FOXN3: variants seen among roughly 807,000 people sequenced by gnomAD.
FOXN3 encodes the protein forkhead box N3, also known as forkhead box protein N3.
Under a neutral mutation model 38.4 loss-of-function variants are expected in FOXN3, and 7 were observed. The observed-to-expected ratio is 0.18, with a 90% confidence interval of 0.10 to 0.34. The LOEUF (loss-of-function observed/expected upper bound fraction) is 0.34, where lower values mean the gene tolerates loss of function less well. Among genes scored for constraint, FOXN3 ranks in the 10% least tolerant of loss-of-function variants. The pLI is 1.00. For missense variants in FOXN3, 456 were observed against 613.4 expected (o/e 0.74, Z 2.71); for synonymous variants, 230 against 242.2 (o/e 0.95, Z 0.47).
rs72014136 is a variant in FOXN3, at chr14:89,335,077, TCACACACACACACACACACA to T, written c.680+15575_680+15594del. On this transcript the variant is annotated intron_variant, in intron 3 of 5. Coordinates refer to ENST00000557258, the MANE Select transcript of FOXN3 (RefSeq NM_005197.4). ...AGAGTAGAACTTAACTATTTTCATA[TCACACACACACACACACACA>T]CACACACACACACACACACACACAC... 1.8e-3 allele frequency among the ~76,000 whole-genome samples: 254 copies of T among 139,436 alleles called. 1 individual carries two copies. The highest frequency in any genetic ancestry group is 5.5e-3 in the African/African-American group (213 of 38,446). 91.5% of individuals were successfully genotyped at this position (139,436 alleles called of 152,430 possible).
chr14:89,399,518 C>G (rs1882174095), intron 2 of FOXN3, among the ~76,000 whole-genome samples: 1 of 152,164 alleles, frequency 6.6e-6, no homozygotes, highest in Admixed American at 6.5e-5. Context: ...GGGACAAGTA[C>G]CCTTTTACTT....
At position 89,161,596 on chromosome 14, in the gene FOXN3, T is replaced by TGTGTGTGTGTGTGTGCGC. The variant is rs61390956; in HGVS notation, c.*817_*818insGCGCACACACACACACAC. On this transcript the variant is annotated 3_prime_UTR_variant, in exon 6 of 6. Coordinates refer to ENST00000557258, the MANE Select transcript of FOXN3 (RefSeq NM_005197.4). ...GTGTGTGTGTGTGTGTGTGTGTGTG[T>TGTGTGTGTGTGTGTGCGC]GCGTGCGTGCACAGGGCCAATCTTC... is the stretch of plus-strand genomic sequence containing the variant. 6.6e-5 allele frequency: 9 copies of TGTGTGTGTGTGTGTGCGC among 136,710 alleles called. No homozygotes were observed. Among genetic ancestry groups the TGTGTGTGTGTGTGTGCGC allele is most frequent in the Admixed American group, 1.5e-4 (2 of 13,660 alleles). The allele number at this position is 136,710 out of a possible 1,614,324, so 8.5% of individuals were successfully genotyped here.
intron 1 of FOXN3, among the ~76,000 whole-genome samples, chr14:89,427,264 G>A (rs1596268679): frequency 2.4e-5 from 3 of 125,838 alleles, no homozygotes; most frequent in South Asian, 2.9e-4. Flanking sequence ...AAAAGAAAAA[G>A]AAGAAAAAAA....
At chr14:89,278,207 G>A (rs564097828) in intron 4 of FOXN3, among the ~76,000 whole-genome samples, 24 of 152,206 alleles carry the variant, frequency 1.6e-4, no homozygotes, top group East Asian at 7.7e-4. Context: ...CAAAAGATAC[G>A]TCTTACATGG....
At chr14:89,568,809 T>C (rs369059377) in intron 1 of FOXN3, among the ~76,000 whole-genome samples, 6 of 152,246 alleles carry the variant, frequency 3.9e-5, no homozygotes, top group South Asian at 2.1e-4. Flanking sequence ...AAAAAGTCTA[T>C]GTGACAGGAG....
intron 1 of FOXN3, among the ~76,000 whole-genome samples, chr14:89,507,028 C>T (rs1045754090): frequency 1.3e-5 from 2 of 151,496 alleles, no homozygotes; most frequent in African/African-American, 2.4e-5. Context: ...AACCAGAGAC[C>T]TTTGTTCACT....
chr14:89,395,034 A>G (rs1379770350), intron 2 of FOXN3, among the ~76,000 whole-genome samples: 1 of 152,232 alleles, frequency 6.6e-6, no homozygotes, highest in Non-Finnish European at 1.5e-5. Flanking sequence ...ACACTTCCCC[A>G]AAGCCTTTTG....
intron 1 of FOXN3, among the ~76,000 whole-genome samples, chr14:89,514,388 T>C (rs1310893614): frequency 2.0e-5 from 3 of 152,156 alleles, no homozygotes; most frequent in Non-Finnish European, 1.5e-5. Flanking sequence ...CCGATGGCCA[T>C]CCACACCTCC....
chr14:89,373,598 G>C (rs1249641348), intron 2 of FOXN3, among the ~76,000 whole-genome samples: 1 of 152,128 alleles, frequency 6.6e-6, no homozygotes, highest in Non-Finnish European at 1.5e-5. Context: ...TAATGTCTAT[G>C]CCCTCTAACT....
intron 3 of FOXN3, among the ~76,000 whole-genome samples, chr14:89,317,709 C>A (rs1266262699): frequency 6.6e-6 from 1 of 152,020 alleles, no homozygotes; most frequent in South Asian, 2.1e-4. Context: ...CTCCTTTCCC[C>A]CCCCATAGAA....
chr14:89,243,875 A>C (rs1464028551), intron 4 of FOXN3, among the ~76,000 whole-genome samples: 2 of 152,240 alleles, frequency 1.3e-5, no homozygotes, highest in Non-Finnish European at 2.9e-5. Context: ...GCGCCCGCCA[A>C]TGAAACCACA....
At chr14:89,237,652 A>T (rs1885018618) in intron 4 of FOXN3, among the ~76,000 whole-genome samples, 1 of 152,212 alleles carries the variant, frequency 6.6e-6, no homozygotes, top group African/African-American at 2.4e-5. Context: ...ATCTAGGATC[A>T]TCTCAAAGCA....
chr14:89,343,773 T>G (rs943682318), intron 3 of FOXN3, among the ~76,000 whole-genome samples: 7 of 151,364 alleles, frequency 4.6e-5, no homozygotes, highest in South Asian at 4.1e-4. Context: ...TTGGTTGGTT[T>G]GTTTGTTTTG....
At chr14:89,376,829 C>T (rs1298561019) in intron 2 of FOXN3, among the ~76,000 whole-genome samples, 1 of 151,746 alleles carries the variant, frequency 6.6e-6, no homozygotes, top group African/African-American at 2.4e-5. Context: ...GCCTGGCCAA[C>T]ATGGTGAAAC....
intron 1 of FOXN3, among the ~76,000 whole-genome samples, chr14:89,435,785 T>G (rs574132727): frequency 6.6e-6 from 1 of 152,276 alleles, no homozygotes; most frequent in Admixed American, 6.5e-5. Context: ...GAATCCAAAT[T>G]AAACCTCTCA....
intron 4 of FOXN3, among the ~76,000 whole-genome samples, chr14:89,261,494 T>C (rs1319399382): frequency 6.6e-6 from 1 of 152,148 alleles, no homozygotes; most frequent in Non-Finnish European, 1.5e-5. Flanking sequence ...TTTCTGAATA[T>C]ATTAAGAAGA....
At chr14:89,397,136 A>G (rs1891120128) in intron 2 of FOXN3, among the ~76,000 whole-genome samples, 1 of 152,170 alleles carries the variant, frequency 6.6e-6, no homozygotes, top group Admixed American at 6.5e-5. Flanking sequence ...CTTTTACGGG[A>G]ACATGGATGC....
chr14:89,187,938 G>A (rs548590386), intron 4 of FOXN3, among the ~76,000 whole-genome samples: 1 of 152,314 alleles, frequency 6.6e-6, no homozygotes, highest in South Asian at 2.1e-4. Flanking sequence ...GACGGTGAAT[G>A]CAAAGGTAGA....
intron 4 of FOXN3, among the ~76,000 whole-genome samples, chr14:89,234,740 G>A (rs1276439590): frequency 3.3e-5 from 5 of 149,420 alleles, no homozygotes; most frequent in African/African-American, 9.9e-5. Flanking sequence ...TATTTTTCAA[G>A]GGTTGGACAG....
Sources: gnomAD v4.1 joint callset for allele counts (sites outside exome capture counted in the v4.1 genomes callset) on GRCh38, gnomAD v4.1.1 for gene constraint, MANE v1.5 for transcripts, NCBI Gene and HGNC (gene_info 2026-07-23, HGNC 2026-07-21) for gene names.